The following CA13 variants were observed in gnomAD, a reference collection of about 807,000 sequenced individuals.
The protein encoded by CA13 is CA-XIII.
In CA13, 21 loss-of-function variants were observed where a neutral mutation model predicts 31.5. The ratio of observed to expected loss-of-function variants is 0.67; its 90% CI spans 0.47 to 0.96. The LOEUF is 0.96. CA13 is among the 40% of genes least tolerant of loss of function. CA13 has a pLI of 0.00. For synonymous variants in CA13, 117 were observed against 111.4 expected (o/e 1.05, Z -0.32); for missense variants, 315 against 318.9 (o/e 0.99, Z 0.09).
intron 2 of CA13, 28 bp downstream of exon 2, chr8:85,250,965 G>A (rs1438825777): frequency 2.6e-6 from 4 of 1,552,820 alleles, no homozygotes; most frequent in Non-Finnish European, 3.6e-6. Flanking sequence ...TGTGTGTGTG[G>A]TGGTGGATGA....
chr8:85,246,911 G>A (rs1486465202), intron 1 of CA13, among the ~76,000 whole-genome samples: 1 of 152,152 alleles, frequency 6.6e-6, no homozygotes, highest in Non-Finnish European at 1.5e-5. Flanking sequence ...CTATTAGCAT[G>A]TACATGATTA....
chr8:85,279,771 C>G (rs1431200838), intron 6 of CA13, among the ~76,000 whole-genome samples: 2 of 152,174 alleles, frequency 1.3e-5, no homozygotes, highest in African/African-American at 2.4e-5. Flanking sequence ...AATGACCACT[C>G]CAGACAGACC....
At chr8:85,276,262 G>C (rs7835882) in intron 6 of CA13, among the ~76,000 whole-genome samples, 111,733 of 152,120 alleles carry the variant, frequency 0.73, 41,732 homozygotes, top group African/African-American at 0.83. Context: ...TCCTCCCCCC[G>C]GGGCAGGGCT....
intron 6 of CA13, among the ~76,000 whole-genome samples, chr8:85,273,989 G>A (rs1807564663): frequency 6.6e-6 from 1 of 151,756 alleles, no homozygotes; most frequent in Admixed American, 6.6e-5. Flanking sequence ...GTACCCGGAC[G>A]GCCTCCGTCT....
rs1563999217 is a variant in CA13 at position 85,250,954 on chromosome 8, TTG to T, written c.235+26_235+27del. On this transcript the variant is annotated intron_variant, in intron 2 of 6. Coordinates refer to ENST00000321764, the MANE Select transcript of CA13 (RefSeq NM_198584.3). Reference sequence around the variant, plus strand: ...ACAAATCAGGTTGGCTTTTCTTTTTTTGTGTGTGTGGTGGTGGATGAAGGGTT... The same window carrying T: ...ACAAATCAGGTTGGCTTTTCTTTTTTTGTGTGTGGTGGTGGATGAAGGGTT... 1.9e-6 allele frequency: 3 copies of T among 1,604,582 alleles called. No individual in the cohort carries two copies. Among genetic ancestry groups the T allele is most frequent in the Non-Finnish European group, 2.6e-6 (3 of 1,171,410 alleles).
chr8:85,250,618 G>A, intron 1 of CA13, 122 bp from the exon 2 acceptor site: 2 of 635,874 alleles, frequency 3.1e-6, no homozygotes, highest in Non-Finnish European at 5.4e-6. Flanking sequence ...CTGAGGACGA[G>A]AATCTCATTT....
In CA13 at chr8:85,259,426, C is replaced by T. The variant is rs777801350; in HGVS notation, c.241C>T (p.Arg81Cys). The change falls in exon 3 of 7, where the codon CGT becomes TGT. Residue 81 changes from arginine (R) to cysteine (C), a missense_variant. Arg to Cys is a radical substitution (Grantham distance 180). Coordinates refer to ENST00000321764, the MANE Select transcript of CA13 (RefSeq NM_198584.3). The stretch of plus-strand genomic sequence containing the variant: ...TAAAACATGTTGTTGTTTAGTTCTG[C>T]GTGGTGGTCCTCTCACTGGAAGCTA... ...FDDTENKSVL[R>C]GGPLTGSYRL... The T allele has an allele frequency of 9.3e-6, 15 of 1,612,790 alleles. No individual in the cohort carries two copies. Among genetic ancestry groups the T allele is most frequent in the African/African-American group, 6.7e-5 (5 of 74,850 alleles).
intron 6 of CA13, among the ~76,000 whole-genome samples, chr8:85,280,601 T>C (rs1051206274): frequency 6.6e-6 from 1 of 152,212 alleles, no homozygotes; most frequent in African/African-American, 2.4e-5. Context: ...AAAGATTTTC[T>C]TTTATTAATT....
intron 4 of CA13, chr8:85,267,334 G>T (rs922381482): frequency 3.9e-5 from 38 of 984,330 alleles, no homozygotes; most frequent in Non-Finnish European, 4.3e-5. Flanking sequence ...GTTGCGGCAG[G>T]ATCCGGGTGC....
intron 6 of CA13, among the ~76,000 whole-genome samples, chr8:85,270,721 CTT>C (rs1807516773): frequency 1.3e-5 from 2 of 152,098 alleles, no homozygotes; most frequent in Non-Finnish European, 2.9e-5. Context: ...TGGAAAATAA[CTT>C]TTTGTTTAGT....
intron 4 of CA13, 49 bp downstream of exon 4, chr8:85,266,752 G>C: frequency 7.1e-7 from 1 of 1,415,296 alleles, no homozygotes; most frequent in Non-Finnish European, 9.9e-7. Flanking sequence ...GTTGAAGAAA[G>C]AGCTTCAGTC....
chr8:85,249,744 T>C, intron 1 of CA13: 1 of 357,124 alleles, frequency 2.8e-6, no homozygotes, highest in South Asian at 2.1e-5. Context: ...GATAGCTGTA[T>C]AAATTTCAGG....
intron 1 of CA13, chr8:85,246,439 T>C (rs1813731830): frequency 2.2e-6 from 1 of 455,994 alleles, no homozygotes; most frequent in African/African-American, 2.0e-5. Flanking sequence ...GTTGGCTGAC[T>C]ACTACTGGGG....
chr8:85,271,970 G>A (rs746291532), intron 6 of CA13, among the ~76,000 whole-genome samples: 5 of 152,112 alleles, frequency 3.3e-5, no homozygotes, highest in Admixed American at 2.0e-4. Context: ...TCAGGAGGCC[G>A]AGGCAGGAGA....
intron 6 of CA13, among the ~76,000 whole-genome samples, chr8:85,277,547 A>G (rs1807631604): frequency 6.6e-6 from 1 of 152,116 alleles, no homozygotes; most frequent in Non-Finnish European, 1.5e-5. Context: ...GAACCCACCA[A>G]TTCCGGACAC....
chr8:85,250,616 G>A (rs1321759221), intron 1 of CA13, 124 bp from the exon 2 acceptor site: 13 of 620,376 alleles, frequency 2.1e-5, no homozygotes, highest in South Asian at 1.5e-4. Flanking sequence ...TCCTGAGGAC[G>A]AGAATCTCAT....
chr8:85,258,530 T>G (rs1199204404), intron 2 of CA13, among the ~76,000 whole-genome samples: 2 of 151,962 alleles, frequency 1.3e-5, no homozygotes, highest in Non-Finnish European at 2.9e-5. Context: ...GTTGACTGTG[T>G]GTCAGGTAGT....
At position 85,268,604 on chromosome 8, in the gene CA13, C is replaced by G; in HGVS notation, c.646C>G (p.Pro216Ala). Residue 216 changes from proline to alanine, a missense_variant, in exon 6 of 7, where the codon CCT (proline) becomes GCT (alanine). Pro to Ala is a conservative substitution (Grantham distance 27, BLOSUM62 -1). Transcript: ENST00000321764. ...TGTCACATGGATTGTTTTAAAGCAA[C>G]CTATAAACATCAGCTCTCAACAGGT... is the stretch of plus-strand genomic sequence containing the variant. ...ESVTWIVLKQ[P>A]INISSQQLAK... is the part of the protein sequence containing the mutation. 6.2e-7 allele frequency: 1 copy of G among 1,613,674 alleles called. No homozygotes were observed. Among genetic ancestry groups the G allele is most frequent in the Non-Finnish European group, 8.5e-7 (1 of 1,179,822 alleles).
intron 2 of CA13, among the ~76,000 whole-genome samples, chr8:85,253,192 G>T (rs76141727): frequency 1.3e-5 from 2 of 152,050 alleles, no homozygotes; most frequent in Non-Finnish European, 2.9e-5. Context: ...TGATCCGCCC[G>T]CCTCGGCCTC....
Sources: gnomAD v4.1 joint callset for allele counts (sites outside exome capture counted in the v4.1 genomes callset) on GRCh38, gnomAD v4.1.1 for gene constraint, MANE v1.5 for transcripts, NCBI Gene and HGNC (gene_info 2026-07-23, HGNC 2026-07-21) for gene names.